SV2C: variants seen among roughly 807,000 people sequenced by gnomAD.
SV2C encodes the protein synaptic vesicle glycoprotein 2C.
In SV2C, 49 loss-of-function variants were observed where a neutral mutation model predicts 79.7. The ratio of observed to expected loss-of-function variants is 0.61; its 90% CI spans 0.49 to 0.78. The LOEUF (loss-of-function observed/expected upper bound fraction) is 0.78. Among genes scored for constraint, SV2C ranks in the 30% least tolerant of loss-of-function variants. The pLI, the probability that SV2C is intolerant of heterozygous loss-of-function variation, is 0.00. For missense variants in SV2C, 833 were observed against 912.9 expected (o/e 0.91, Z 1.13); for synonymous variants, 334 against 333.2 (o/e 1.00, Z -0.03).
At chr5:75,925,066 A>G in the SV2C span, among the ~76,000 whole-genome samples, 4 of 152,204 alleles carry the variant, frequency 2.6e-5, no homozygotes, top group African/African-American at 9.7e-5. Flanking sequence ...AGGGGTTTAC[A>G]CTATTAGTAA....
Position 76,348,446 on chromosome 5 carries a change from A to G in SV2C, c.2001-4684A>G, listed in dbSNP as rs551609386. On this transcript the variant is annotated intron_variant, in intron 12 of 12. Coordinates refer to the SV2C transcript ENST00000322285. ...ATGGACATAAAAGTTCCTTTGGGTAAATATCAAGGTACATGATTGCTGGAT... is the reference window on the plus strand; with the variant it reads ...ATGGACATAAAAGTTCCTTTGGGTAGATATCAAGGTACATGATTGCTGGAT... Among the ~76,000 whole-genome samples the G allele has an allele frequency of 2.0e-5, 3 of 152,352 alleles. No individual in the cohort carries two copies. In the South Asian group the frequency reaches 6.2e-4, roughly 32 times the overall value.
the SV2C span, among the ~76,000 whole-genome samples, chr5:76,056,305 T>C: frequency 3.9e-5 from 6 of 152,160 alleles, no homozygotes; most frequent in African/African-American, 1.4e-4. Context: ...TATTGAAGTG[T>C]GCATGTTGAA....
chr5:75,861,538 C>A, the SV2C span, among the ~76,000 whole-genome samples: 3 of 152,164 alleles, frequency 2.0e-5, no homozygotes, highest in South Asian at 4.1e-4. Context: ...TTCAGCACAG[C>A]ACTATCCACA....
At chr5:75,878,268 A>G in the SV2C span, among the ~76,000 whole-genome samples, 3 of 152,168 alleles carry the variant, frequency 2.0e-5, no homozygotes, top group African/African-American at 7.2e-5. Flanking sequence ...TTAGTATTTT[A>G]TATGAAATAT....
At chr5:76,149,058 A>G (rs1749522454) in intron 2 of SV2C, among the ~76,000 whole-genome samples, 1 of 152,142 alleles carries the variant, frequency 6.6e-6, no homozygotes, top group Non-Finnish European at 1.5e-5. Context: ...CTGAAATTCA[A>G]ATGTCACCGG....
chr5:76,301,267 G>A, intron 11 of SV2C, 119 bp from the exon 12 acceptor site: 1 of 1,344,420 alleles, frequency 7.4e-7, no homozygotes, highest in Non-Finnish European at 1.0e-6. Flanking sequence ...GCTTTATGGA[G>A]CCCATCCTGC....
At chr5:76,270,228 G>A (rs1262784401) in intron 4 of SV2C, among the ~76,000 whole-genome samples, 1 of 152,340 alleles carries the variant, frequency 6.6e-6, no homozygotes, top group Non-Finnish European at 1.5e-5. Flanking sequence ...TGTATTGTAG[G>A]AAGAGCCTCC....
intron 4 of SV2C, among the ~76,000 whole-genome samples, chr5:76,257,302 G>A (rs1047956679): frequency 1.3e-5 from 2 of 149,200 alleles, no homozygotes; most frequent in Non-Finnish European, 3.0e-5. Context: ...GTGTGTGTGT[G>A]GTATCTGTAT....
At chr5:75,910,320 C>T in the SV2C span, 2 of 537,956 alleles carry the variant, frequency 3.7e-6, no homozygotes, top group East Asian at 4.8e-5. Flanking sequence ...GCCAGTTGCT[C>T]CTCGTAGTCT....
chr5:76,014,560 T>C, the SV2C span, among the ~76,000 whole-genome samples: 8,103 of 152,240 alleles, frequency 0.053, 669 homozygotes, highest in African/African-American at 0.18. Context: ...CTTTCCCACA[T>C]ATCCATTAAG....
At chr5:76,251,389 A>G (rs1013131699) in intron 4 of SV2C, among the ~76,000 whole-genome samples, 1 of 151,990 alleles carries the variant, frequency 6.6e-6, no homozygotes, top group Non-Finnish European at 1.5e-5. Flanking sequence ...CAGAAAAAAT[A>G]ATAATAATAA....
At chr5:75,883,071 C>A in the SV2C span, among the ~76,000 whole-genome samples, 6 of 145,482 alleles carry the variant, frequency 4.1e-5, no homozygotes, top group African/African-American at 7.9e-5. Context: ...ATTTATGCAG[C>A]CAAAAAACAC....
At chr5:76,234,604 T>G (rs919828492) in intron 4 of SV2C, among the ~76,000 whole-genome samples, 8 of 152,250 alleles carry the variant, frequency 5.3e-5, no homozygotes, top group Non-Finnish European at 1.2e-4. Context: ...TTCAGCCTTC[T>G]GTTTCTCCTG....
intron 4 of SV2C, among the ~76,000 whole-genome samples, chr5:76,283,215 G>C (rs1198622492): frequency 6.6e-6 from 1 of 152,084 alleles, no homozygotes; most frequent in Admixed American, 6.5e-5. Flanking sequence ...CGGGACTCCT[G>C]CTGAGGCAGG....
At chr5:76,099,278 T>C (rs1747661780) in intron 1 of SV2C, among the ~76,000 whole-genome samples, 1 of 152,126 alleles carries the variant, frequency 6.6e-6, no homozygotes, top group African/African-American at 2.4e-5. Flanking sequence ...CTATAAAATG[T>C]ATACCTGAGC....
At chr5:76,003,242 C>G in the SV2C span, among the ~76,000 whole-genome samples, 4 of 152,044 alleles carry the variant, frequency 2.6e-5, no homozygotes, top group Non-Finnish European at 5.9e-5. Flanking sequence ...TATAACTTAC[C>G]CAGTCTCTGG....
At chr5:76,241,556 G>A (rs1226221662) in intron 4 of SV2C, among the ~76,000 whole-genome samples, 1 of 152,160 alleles carries the variant, frequency 6.6e-6, no homozygotes, top group Admixed American at 6.5e-5. Flanking sequence ...CATCTCAGTG[G>A]CATCACTGGA....
At chr5:76,219,895 A>G (rs1745018304) in intron 4 of SV2C, among the ~76,000 whole-genome samples, 1 of 152,250 alleles carries the variant, frequency 6.6e-6, no homozygotes, top group Non-Finnish European at 1.5e-5. Flanking sequence ...AAGTGATGTC[A>G]GGCATTTACT....
the SV2C span, among the ~76,000 whole-genome samples, chr5:75,943,866 T>G: frequency 4.4e-3 from 672 of 152,288 alleles, 5 homozygotes; most frequent in African/African-American, 0.016. Context: ...CCTTCCATAT[T>G]TCCTTTGGCA....
Sources: allele counts gnomAD v4.1 joint callset (sites outside exome capture counted in the v4.1 genomes callset), GRCh38; gene constraint gnomAD v4.1.1; transcripts MANE v1.5; gene names NCBI Gene and HGNC (gene_info 2026-07-23, HGNC 2026-07-21).